The following PLEKHG6 variants were observed in gnomAD, a reference collection of about 807,000 sequenced individuals.
PLEKHG6 encodes pleckstrin homology domain-containing family G member 6.
In PLEKHG6, 91 loss-of-function variants were observed where a neutral mutation model predicts 97.5. That is an observed-to-expected ratio of 0.93 (90% CI 0.79 to 1.11). PLEKHG6 has a LOEUF of 1.11. Ranked by LOEUF, PLEKHG6 falls within the 50% of genes most tolerant of loss-of-function variation. The pLI is 0.00. For missense variants in PLEKHG6, 1,044 were observed against 1,031.0 expected, an observed-to-expected ratio of 1.01 and a Z score of -0.17; for synonymous variants, 466 against 425.5, an observed-to-expected ratio of 1.10 and a Z score of -1.17.
intron 13 of PLEKHG6, among the ~76,000 whole-genome samples, chr12:6,324,791 G>C (rs535708946): frequency 1.3e-5 from 2 of 152,146 alleles, no homozygotes; most frequent in East Asian, 3.8e-4. Flanking sequence ...GCTGCTCCCC[G>C]GGTTTCTTGA....
chr12:6,311,853 G>A (rs898073780), intron 1 of PLEKHG6, among the ~76,000 whole-genome samples: 8 of 151,790 alleles, frequency 5.3e-5, no homozygotes, highest in South Asian at 2.1e-4. Context: ...CAGAAAGCCC[G>A]AGACCTGTCT....
chr12:6,314,822 C>T (rs929607190), intron 3 of PLEKHG6, among the ~76,000 whole-genome samples, 183 bp from the exon 4 acceptor site: 2 of 152,166 alleles, frequency 1.3e-5, no homozygotes, highest in Non-Finnish European at 2.9e-5. Flanking sequence ...CAGCTGGGGC[C>T]GACCCCTGTT....
chr12:6,318,188 T>A, intron 10 of PLEKHG6, 113 bp from the exon 11 acceptor site: 2 of 1,528,144 alleles, frequency 1.3e-6, no homozygotes, highest in Non-Finnish European at 1.8e-6. Context: ...CTCTAGCCCA[T>A]GGGGGAAGGA....
At position 6,312,294 on chromosome 12, in the gene PLEKHG6, A is replaced by T; in HGVS notation, c.68A>T (p.Tyr23Phe). 6.4e-7 allele frequency: 1 copy of T among 1,563,962 alleles called. No individual in the cohort carries two copies. The highest frequency in any genetic ancestry group is 1.2e-5 in the South Asian group (1 of 83,050). Residue 23 changes from tyrosine (Y) to phenylalanine (F), a missense_variant, in exon 2 of 16, where the codon TAT (tyrosine) becomes TTT (phenylalanine). Coordinates refer to ENST00000684764, the MANE Select transcript of PLEKHG6 (RefSeq NM_001384598.1). ...CTCGTGGCCTCCCGCATTGAGACTT[A>T]TGGGGGCCGGCATCGAGCCTCTGCT... Reference protein sequence around the residue: ...QGLVASRIETYGGRHRASAQS... With the variant: ...QGLVASRIETFGGRHRASAQS...
chr12:6,310,396 C>T (rs2136703236), upstream of PLEKHG6: 1 of 152,540 alleles, frequency 6.6e-6, no homozygotes, highest in East Asian at 1.9e-4. Context: ...CGCCGCCTCC[C>T]CCGGCGGCGC....
At chr12:6,327,142 T>C (rs1947887006) in intron 14 of PLEKHG6, 112 bp from the exon 15 acceptor site, 2 of 688,718 alleles carry the variant, frequency 2.9e-6, no homozygotes, top group East Asian at 2.6e-5. Flanking sequence ...GATGGAAAGA[T>C]GATACCAAAA....
At chr12:6,324,858 G>A (rs1410602016) in intron 13 of PLEKHG6, among the ~76,000 whole-genome samples, 2 of 152,116 alleles carry the variant, frequency 1.3e-5, no homozygotes, top group African/African-American at 4.8e-5. Context: ...CTTCAAGCTG[G>A]GGAGATAGTG....
Position 6,312,299 on chromosome 12 carries a change from G to A in PLEKHG6, c.73G>A (p.Gly25Ser), listed in dbSNP as rs1281372434. 6.4e-7 allele frequency: 1 copy of A among 1,565,914 alleles called. No individual in the cohort carries two copies. Among genetic ancestry groups the A allele is most frequent in the African/African-American group, 1.4e-5 (1 of 71,158 alleles). The change falls in exon 2 of 16, where the codon GGC becomes AGC. Residue 25 changes from glycine (G) to serine (S), a missense_variant. By Grantham distance (56) the Gly-to-Ser change is moderately conservative. Transcript: ENST00000684764. ...GGCCTCCCGCATTGAGACTTATGGGGGCCGGCATCGAGCCTCTGCTCAGAG... is the reference window on the plus strand; with the variant it reads ...GGCCTCCCGCATTGAGACTTATGGGAGCCGGCATCGAGCCTCTGCTCAGAG... ...LVASRIETYG[G>S]RHRASAQSTA...
At chr12:6,321,032 T>C (rs1947684501) in intron 13 of PLEKHG6, among the ~76,000 whole-genome samples, 1 of 151,848 alleles carries the variant, frequency 6.6e-6, no homozygotes, top group Admixed American at 6.6e-5. Flanking sequence ...TTTTTTTTTT[T>C]CTTTTGAGAC....
In PLEKHG6 at chr12:6,315,878, G is replaced by A. The variant is rs146053277; in HGVS notation, c.565G>A (p.Ala189Thr). The A allele has an allele frequency of 4.3e-5, 68 of 1,571,038 alleles. No individual in the cohort carries two copies. The African/African-American group carries it at 5.7e-4, about 13-fold the overall frequency. Residue 189 changes from alanine (A) to threonine (T), a missense_variant, in exon 6 of 16, where the codon GCC becomes ACC. Transcript: ENST00000684764. The surrounding 1 kb of genome is among the most constrained non-coding windows in gnomAD (Gnocchi z 4.5). ...GTCTCCCTCCCTGCAGCTGCTAGCC[G>A]CCGGCCTGCTGAACCTGCAGCGAGT... ...KLKIMTDLLAAGLLNLQRVGL... is the reference protein window; with the variant it reads ...KLKIMTDLLATGLLNLQRVGL...
chr12:6,321,903 G>C (rs1947717682), intron 13 of PLEKHG6, among the ~76,000 whole-genome samples: 1 of 151,370 alleles, frequency 6.6e-6, no homozygotes, highest in Non-Finnish European at 1.5e-5. Flanking sequence ...ACTGAATTCA[G>C]AAAAATCCAG....
chr12:6,316,138 C>A lies in PLEKHG6; in HGVS notation c.607-117C>A. 9.2e-7 allele frequency: 1 copy of A among 1,083,116 alleles called. No homozygotes were observed. Among genetic ancestry groups the A allele is most frequent in the Non-Finnish European group, 1.3e-6 (1 of 767,738 alleles). The allele number at this position is 1,083,116 out of a possible 1,614,324, so 67.1% of individuals were successfully genotyped here. ...GATCTTCCAGGCCCAGTGCCCAGTT[C>A]ATCCTTCTTCACCCCCGCCCCTGCT... is the stretch of plus-strand genomic sequence containing the variant. On this transcript the variant is annotated intron_variant, in intron 6 of 15. Coordinates refer to ENST00000684764, the MANE Select transcript of PLEKHG6 (RefSeq NM_001384598.1). The surrounding 1 kb of genome is among the most constrained non-coding windows in gnomAD (Gnocchi z 4.1).
intron 10 of PLEKHG6, 61 bp from the exon 11 acceptor site, chr12:6,318,240 T>C (rs1947558310): frequency 1.2e-6 from 2 of 1,609,680 alleles, no homozygotes; most frequent in Non-Finnish European, 1.7e-6. Flanking sequence ...GGAGCCGCCC[T>C]TGGCCAGGAA....
intron 1 of PLEKHG6, 128 bp from the exon 2 acceptor site, chr12:6,312,019 CCCCAACAAGTGA>C: frequency 4.2e-6 from 2 of 471,598 alleles, no homozygotes; most frequent in Non-Finnish European, 7.4e-6. Flanking sequence ...GCCATGTTCC[CCCCAACAAGTGA>C]CCAAGCCCTT....
In PLEKHG6 at chr12:6,316,281, T is replaced by A. The variant is rs373186526; in HGVS notation, c.633T>A (p.Asn211Lys). 9 of 1,554,440 alleles carry A rather than the reference T, an allele frequency of 5.8e-6. No individual in the cohort carries two copies. The African/African-American group carries it at 9.5e-5, about 16-fold the overall frequency. The change falls in exon 7 of 16, where the codon AAT becomes AAA. Residue 211 changes from asparagine to lysine, a missense_variant. Asn to Lys is a moderately conservative substitution (Grantham distance 94). Coordinates refer to ENST00000684764, the MANE Select transcript of PLEKHG6 (RefSeq NM_001384598.1). The surrounding 1 kb of genome is among the most constrained non-coding windows in gnomAD (Gnocchi z 4.1). ...MEVSAETLFG[N>K]VPSLIRTHRS... ...TGTCAGCTGAGACCCTGTTTGGAAATGTCCCCAGCCTGATTCGAACCCACC... is the reference window on the plus strand; with the variant it reads ...TGTCAGCTGAGACCCTGTTTGGAAAAGTCCCCAGCCTGATTCGAACCCACC...
chr12:6,327,269 G>A lies in PLEKHG6; in HGVS notation c.1686G>A (p.Ser562=), dbSNP rs1053049855. ...SSAEGRTPEF[S]TIIPHLVVTE... ...TTAACTGTAGGACTCCTGAGTTCTC[G>A]ACCATTATCCCCCACCTGGTGGTGA... is the stretch of plus-strand genomic sequence containing the variant. The change falls in exon 15 of 16, where the codon TCG becomes TCA. Residue 562 remains serine, a synonymous_variant. Transcript: ENST00000684764. The A allele has an allele frequency of 4.4e-6, 7 of 1,598,136 alleles. No individual in the cohort carries two copies. The highest frequency in any genetic ancestry group is 4.5e-5 in the East Asian group (2 of 44,626).
At position 6,310,746 on chromosome 12, in the gene PLEKHG6, A is replaced by G. The variant is rs1947229524; in HGVS notation, c.-171A>G. 6.6e-6 allele frequency: 1 copy of G among 151,740 alleles called. No individual in the cohort carries two copies. The highest frequency in any genetic ancestry group is 6.6e-5 in the Admixed American group (1 of 15,244). The allele number at this position is 151,740 out of a possible 1,614,324, so 9.4% of individuals were successfully genotyped here. A position where few individuals can be genotyped will look rare whatever the true frequency, so the allele number is the denominator to read the frequency against. ...GCTCGATCCCAGTCCCAGGCTGGGC[A>G]TCGGGGCTGGCTGGCATCGCCGGGG... On this transcript the variant is annotated 5_prime_UTR_variant, in exon 1 of 16. Coordinates refer to ENST00000684764, the MANE Select transcript of PLEKHG6 (RefSeq NM_001384598.1).
intron 3 of PLEKHG6, among the ~76,000 whole-genome samples, chr12:6,314,704 G>C (rs1404652778): frequency 6.6e-6 from 1 of 152,056 alleles, no homozygotes; most frequent in African/African-American, 2.4e-5. Context: ...CCCATGGAAG[G>C]CCTCTTTCCT....
At position 6,315,508 on chromosome 12, in the gene PLEKHG6, T is replaced by C; in HGVS notation, c.460-46T>C. 8.0e-7 allele frequency: 1 copy of C among 1,244,336 alleles called. No homozygotes were observed. The allele number at this position is 1,244,336 out of a possible 1,614,324, so 77.1% of individuals were successfully genotyped here. On this transcript the variant is annotated intron_variant, in intron 4 of 15. Coordinates refer to ENST00000684764, the MANE Select transcript of PLEKHG6 (RefSeq NM_001384598.1). This position sits in a 1 kb window ranked among gnomAD's most constrained non-coding sequence, Gnocchi z 4.5. The stretch of plus-strand genomic sequence containing the variant: ...CGCACTTAACAGCTGGTACTTGCCA[T>C]TCTAATTATCATTCCCCAACTGAAC...
Sources: allele counts gnomAD v4.1 joint callset (sites outside exome capture counted in the v4.1 genomes callset), GRCh38; gene constraint gnomAD v4.1.1; non-coding constraint Gnocchi (gnomAD v3.1); transcripts MANE v1.5; gene names NCBI Gene and HGNC (gene_info 2026-07-23, HGNC 2026-07-21).